Variants in CRYBG1 observed in about 807,000 individuals in gnomAD.
The protein encoded by CRYBG1 is beta/gamma crystallin domain-containing protein 1.
CRYBG1 carries 139 observed loss-of-function variants against 189.2 expected under a neutral mutation model. The observed-to-expected ratio is 0.73, with a 90% confidence interval of 0.64 to 0.85. The LOEUF (loss-of-function observed/expected upper bound fraction) is 0.85. CRYBG1 is among the 40% of genes least tolerant of loss of function. The pLI, the probability that CRYBG1 is intolerant of heterozygous loss-of-function variation, is 0.00. For missense variants in CRYBG1, 2,611 were observed against 2,675.8 expected, an observed-to-expected ratio of 0.98 and a Z score of 0.53; for synonymous variants, 1,023 against 1,017.1, an observed-to-expected ratio of 1.01 and a Z score of -0.11.
At position 106,519,919 on chromosome 6, in the gene CRYBG1, T is replaced by C. The variant is rs1157835098; in HGVS notation, c.2711T>C (p.Val904Ala). The C allele has an allele frequency of 3.1e-6, 5 of 1,613,994 alleles. No homozygotes were observed. The highest frequency in any genetic ancestry group is 2.2e-5 in the East Asian group (1 of 44,886). ...ISSFPCTDLKVSENHKGCVLP... is the reference protein window; with the variant it reads ...ISSFPCTDLKASENHKGCVLP... ...AGTTTCCCATGCACTGATCTAAAAGTGTCAGAAAACCATAAAGGATGTGTT... is the reference window on the plus strand; with the variant it reads ...AGTTTCCCATGCACTGATCTAAAAGCGTCAGAAAACCATAAAGGATGTGTT... The change falls in exon 4 of 22, where the codon GTG becomes GCG. Residue 904 changes from valine to alanine, a missense_variant. Physicochemically the swap from Val to Ala is moderately conservative, Grantham distance 64. Transcript: ENST00000633556.
At chr6:106,498,751 G>A (rs1027207199) in intron 2 of CRYBG1, among the ~76,000 whole-genome samples, 1 of 152,124 alleles carries the variant, frequency 6.6e-6, no homozygotes, top group African/African-American at 2.4e-5. Flanking sequence ...GTGAGCACCT[G>A]TAATCCCAGC....
chr6:106,408,755 G>C (rs1163901433), intron 1 of CRYBG1, among the ~76,000 whole-genome samples: 1 of 152,146 alleles, frequency 6.6e-6, no homozygotes, highest in Non-Finnish European at 1.5e-5. Context: ...CACATAAACA[G>C]AACCAATGAC....
rs1770400426 is a variant in CRYBG1 at position 106,386,841 on chromosome 6, A to G, written c.173+25760A>G. Among the ~76,000 whole-genome samples, 4 of 152,308 alleles carry G rather than the reference A, an allele frequency of 2.6e-5. No individual in the cohort carries two copies. The South Asian group carries it at 8.3e-4, about 32-fold the overall frequency. ...CCTGCTATGTGGCCTGGTTCTTAAT[A>G]GGCCCTGGACCACTATCCGTCCATG... On this transcript the variant is annotated intron_variant, in intron 1 of 21. Coordinates refer to ENST00000633556, the MANE Select transcript of CRYBG1 (RefSeq NM_001371242.2).
chr6:106,503,712 G>A (rs1479033088), intron 2 of CRYBG1, among the ~76,000 whole-genome samples: 3 of 152,052 alleles, frequency 2.0e-5, no homozygotes, highest in Non-Finnish European at 2.9e-5. Context: ...CTTCCTTTCT[G>A]ATTGATCATG....
chr6:106,567,647 G>A (rs1401917203), intron 21 of CRYBG1, among the ~76,000 whole-genome samples: 1 of 151,824 alleles, frequency 6.6e-6, no homozygotes, highest in African/African-American at 2.4e-5. Flanking sequence ...CTAAAAAAAG[G>A]ATAAGCCATC....
chr6:106,481,735 G>T (rs1772465426), intron 2 of CRYBG1, among the ~76,000 whole-genome samples: 1 of 152,166 alleles, frequency 6.6e-6, no homozygotes, highest in Non-Finnish European at 1.5e-5. Context: ...TCATACTCCT[G>T]GTTCCCTCCC....
intron 2 of CRYBG1, among the ~76,000 whole-genome samples, chr6:106,506,569 C>T (rs557780921): frequency 6.8e-6 from 1 of 146,914 alleles, no homozygotes; most frequent in East Asian, 2.1e-4. Flanking sequence ...TCTTCTGCTT[C>T]AGCCTCCTGA....
chr6:106,422,344 A>AT (rs145135507), intron 1 of CRYBG1, among the ~76,000 whole-genome samples: 6 of 139,988 alleles, frequency 4.3e-5, no homozygotes, highest in Non-Finnish European at 3.1e-5. Context: ...TTATTTATTT[A>AT]TTTTTGAGAC....
At chr6:106,487,930 T>G (rs1772627797) in intron 2 of CRYBG1, among the ~76,000 whole-genome samples, 1 of 152,208 alleles carries the variant, frequency 6.6e-6, no homozygotes, top group Admixed American at 6.5e-5. Flanking sequence ...TACAGTGGCT[T>G]TTTCCAATTT....
intron 2 of CRYBG1, among the ~76,000 whole-genome samples, chr6:106,491,965 C>A (rs1245252245): frequency 6.6e-6 from 1 of 152,150 alleles, no homozygotes; most frequent in Non-Finnish European, 1.5e-5. Context: ...ACCCCTGTGC[C>A]TGGTGTCATT....
Position 106,544,701 on chromosome 6 carries a change from A to G in CRYBG1, c.5166+4A>G, listed in dbSNP as rs200273272. 45 of 1,612,768 alleles carry G rather than the reference A, an allele frequency of 2.8e-5. No homozygotes were observed. Among genetic ancestry groups the G allele is most frequent in the Admixed American group, 1.7e-5 (1 of 59,636 alleles). On this transcript the variant is annotated splice_donor_region_variant and intron_variant, in intron 12 of 21. Transcript: ENST00000633556. ...GTCTTTACGACCTATATTAGGTGTA[A>G]GTAAAGGACAAGCTAATGGCTAATA...
In CRYBG1 at chr6:106,568,513, G is replaced by A; in HGVS notation, c.6343G>A (p.Val2115Ile). Reference sequence around the variant, plus strand: ...TCAAAATCACATTATCCTCAACACTGTCAGCAAAGAGAAGTTTACACAAGT... The same window carrying A: ...TCAAAATCACATTATCCTCAACACTATCAGCAAAGAGAAGTTTACACAAGT... Reference protein sequence around the residue: ...YDQNHIILNTVSKEKFTQVWE... With the variant: ...YDQNHIILNTISKEKFTQVWE... Residue 2115 changes from valine to isoleucine, a missense_variant, in exon 22 of 22, where the codon GTC becomes ATC. Val to Ile is a conservative substitution (Grantham distance 29). Around this residue, in one of 3 missense-constraint regions of CRYBG1, gnomAD observed 1,622 missense variants for 1,735.0 expected, o/e 0.93. Transcript: ENST00000633556. The A allele has an allele frequency of 6.2e-7, 1 of 1,613,980 alleles. No individual in the cohort carries two copies. Among genetic ancestry groups the A allele is most frequent in the Non-Finnish European group, 8.5e-7 (1 of 1,179,846 alleles).
At chr6:106,473,913 TACTC>T (rs1362143555) in intron 2 of CRYBG1, among the ~76,000 whole-genome samples, 2 of 152,364 alleles carry the variant, frequency 1.3e-5, no homozygotes, top group East Asian at 1.9e-4. Flanking sequence ...TGTATTTACT[TACTC>T]ACCGGAATCC....
chr6:106,462,071 CAT>C (rs1029249136), intron 2 of CRYBG1, among the ~76,000 whole-genome samples: 1 of 152,208 alleles, frequency 6.6e-6, no homozygotes, highest in Non-Finnish European at 1.5e-5. Flanking sequence ...ATTTCAGTCT[CAT>C]ATATTTGAAA....
At chr6:106,543,679 A>G in intron 11 of CRYBG1, 82 bp downstream of exon 11, 1 of 1,407,000 alleles carries the variant, frequency 7.1e-7, no homozygotes, top group Admixed American at 2.0e-5. Flanking sequence ...CCCTAAAAAC[A>G]ACATTCCTGA....
intron 1 of CRYBG1, among the ~76,000 whole-genome samples, chr6:106,438,610 T>G (rs770188052): frequency 2.6e-5 from 4 of 152,152 alleles, no homozygotes; most frequent in African/African-American, 7.2e-5. Flanking sequence ...AAATCCATAA[T>G]CCATATGTGT....
intron 2 of CRYBG1, among the ~76,000 whole-genome samples, chr6:106,495,180 C>T (rs1772816636): frequency 6.6e-6 from 1 of 152,192 alleles, no homozygotes; most frequent in Non-Finnish European, 1.5e-5. Flanking sequence ...TTCACATCAA[C>T]AGTCAGTGTC....
chr6:106,435,656 CA>C (rs1771440518), intron 1 of CRYBG1, among the ~76,000 whole-genome samples: 1 of 152,022 alleles, frequency 6.6e-6, no homozygotes, highest in Non-Finnish European at 1.5e-5. Context: ...GGCTGGAGTG[CA>C]GTGGCGTGAT....
intron 2 of CRYBG1, among the ~76,000 whole-genome samples, chr6:106,483,378 G>GTGTGTGTGTGTA (rs1347885031): frequency 1.4e-4 from 16 of 113,812 alleles, no homozygotes; most frequent in East Asian, 6.7e-4. Context: ...GTGTGTGTGT[G>GTGTGTGTGTGTA]TATATATATA....
Sources: allele counts gnomAD v4.1 joint callset (sites outside exome capture counted in the v4.1 genomes callset), GRCh38; gene constraint gnomAD v4.1.1; regional missense constraint gnomAD v4.1.1; transcripts MANE v1.5; gene names NCBI Gene and HGNC (gene_info 2026-07-23, HGNC 2026-07-21).